PTPRT: variants seen among roughly 807,000 people sequenced by gnomAD.
PTPRT encodes the protein receptor-type tyrosine-protein phosphatase T.
A neutral mutation model predicts 176.8 loss-of-function variants in PTPRT; 56 were observed. The ratio of observed to expected loss-of-function variants is 0.32; its 90% CI spans 0.26 to 0.40. PTPRT has a LOEUF of 0.40. Ranked by LOEUF, PTPRT falls within the 10% of genes least tolerant of loss-of-function variation. PTPRT has a pLI of 1.00. For synonymous variants in PTPRT, 783 were observed against 739.0 expected (o/e 1.06, Z -0.96); for missense variants, 1,540 against 1,908.2 (o/e 0.81, Z 3.60).
intron 1 of PTPRT, among the ~76,000 whole-genome samples, chr20:42,920,305 T>C (rs1279111260): frequency 6.6e-6 from 1 of 152,198 alleles, no homozygotes; most frequent in African/African-American, 2.4e-5. Flanking sequence ...AAAGACTATA[T>C]GCCATATTAT....
intron 4 of PTPRT, among the ~76,000 whole-genome samples, chr20:42,775,083 G>A (rs1473489941): frequency 6.6e-6 from 1 of 152,150 alleles, no homozygotes; most frequent in Non-Finnish European, 1.5e-5. Flanking sequence ...GTCAGCCATC[G>A]GCTCGTGGTT....
At chr20:42,675,993 A>G (rs1160314113) in intron 7 of PTPRT, among the ~76,000 whole-genome samples, 1 of 152,228 alleles carries the variant, frequency 6.6e-6, no homozygotes, top group Admixed American at 6.5e-5. Flanking sequence ...CTATGAATGC[A>G]TACTGCTCCA....
In PTPRT at chr20:42,110,500, C is replaced by A. The variant is rs200617097; in HGVS notation, c.3100-13G>T. ...CATGGTAGCCTTTCTGAGGAAAGAA[C>A]GGGCCTCTGTTCTTCCAGCTGCTGC... is the stretch of plus-strand genomic sequence containing the variant. On this transcript the variant is annotated splice_polypyrimidine_tract_variant and intron_variant, in intron 22 of 30. Coordinates refer to ENST00000373187, the MANE Select transcript of PTPRT (RefSeq NM_007050.6). 1 of 1,588,288 alleles carries A rather than the reference C, an allele frequency of 6.3e-7. No individual in the cohort carries two copies. Among genetic ancestry groups the A allele is most frequent in the Admixed American group, 1.7e-5 (1 of 58,232 alleles).
At chr20:43,073,526 A>C (rs1238001907) in intron 1 of PTPRT, among the ~76,000 whole-genome samples, 1 of 151,748 alleles carries the variant, frequency 6.6e-6, no homozygotes, top group Non-Finnish European at 1.5e-5. Context: ...ATATATATAC[A>C]TAGGTGTGTA....
intron 1 of PTPRT, among the ~76,000 whole-genome samples, chr20:43,093,193 T>C (rs2011959333): frequency 6.6e-6 from 1 of 152,216 alleles, no homozygotes; most frequent in Non-Finnish European, 1.5e-5. Context: ...GAGAGATTGG[T>C]GGACATCCCA....
chr20:43,069,443 TAGAAAC>T lies in PTPRT; in HGVS notation c.88+120197_88+120202del, dbSNP rs1004197428. Among the ~76,000 whole-genome samples the T allele has an allele frequency of 7.9e-4, 121 of 152,282 alleles. 1 individual carries two copies. The highest frequency in any genetic ancestry group is 2.6e-3 in the African/African-American group (108 of 41,542). ...AGAGTATAACAGCAAATTAATTCCTTAGAAACAGAATGAATCCAACTTGCCATTATT... is the reference window on the plus strand; with the variant it reads ...AGAGTATAACAGCAAATTAATTCCTTAGAATGAATCCAACTTGCCATTATT... On this transcript the variant is annotated intron_variant, in intron 1 of 30. Coordinates refer to ENST00000373187, the MANE Select transcript of PTPRT (RefSeq NM_007050.6).
chr20:42,664,209 C>T (rs530869673), intron 7 of PTPRT, among the ~76,000 whole-genome samples: 1 of 152,190 alleles, frequency 6.6e-6, no homozygotes, highest in African/African-American at 2.4e-5. Context: ...CTCTTTATGC[C>T]TTTAGCCTTT....
chr20:42,677,844 C>T (rs2075533520), intron 7 of PTPRT, 22 bp downstream of exon 7: 4 of 1,423,182 alleles, frequency 2.8e-6, no homozygotes, highest in African/African-American at 5.5e-5. Flanking sequence ...ATAATGGAGC[C>T]TGGGAAAAAA....
rs374910385 is a variant in PTPRT at position 42,789,372 on chromosome 20, T to C, written c.486+1823A>G. Among the ~76,000 whole-genome samples, 7 of 152,226 alleles carry C rather than the reference T, an allele frequency of 4.6e-5. No individual in the cohort carries two copies. In the South Asian group the frequency reaches 1.5e-3, roughly 32 times the overall value. On this transcript the variant is annotated intron_variant, in intron 3 of 30. Coordinates refer to ENST00000373187, the MANE Select transcript of PTPRT (RefSeq NM_007050.6). ...AATGACATGTGTGGTTCCCATTATATTTATACTGGATTATACTAGCTTAGA... is the reference window on the plus strand; with the variant it reads ...AATGACATGTGTGGTTCCCATTATACTTATACTGGATTATACTAGCTTAGA...
intron 7 of PTPRT, among the ~76,000 whole-genome samples, chr20:42,617,628 G>A (rs1301473868): frequency 1.4e-5 from 2 of 138,116 alleles, no homozygotes; most frequent in African/African-American, 3.2e-5. Flanking sequence ...CCTGTTATTG[G>A]TCTATTCAGA....
chr20:42,192,905 T>C (rs1200105100), intron 16 of PTPRT, among the ~76,000 whole-genome samples: 2 of 152,152 alleles, frequency 1.3e-5, no homozygotes, highest in African/African-American at 2.4e-5. Flanking sequence ...TGTGCGTACA[T>C]CCACTTGGCA....
intron 12 of PTPRT, among the ~76,000 whole-genome samples, chr20:42,297,710 C>T (rs2057408202): frequency 6.6e-6 from 1 of 152,090 alleles, no homozygotes; most frequent in African/African-American, 2.4e-5. Flanking sequence ...TCCAGAAAAA[C>T]ACCCAAGAAC....
At chr20:42,676,378 C>T (rs1040911148) in intron 7 of PTPRT, among the ~76,000 whole-genome samples, 10 of 152,108 alleles carry the variant, frequency 6.6e-5, no homozygotes, top group East Asian at 1.9e-4. Context: ...GAGCTGTATG[C>T]ACTTTCCCTT....
intron 1 of PTPRT, among the ~76,000 whole-genome samples, chr20:43,025,738 A>C (rs1000826557): frequency 6.6e-6 from 1 of 152,178 alleles, no homozygotes; most frequent in Non-Finnish European, 1.5e-5. Context: ...AACACACACA[A>C]AAAATTTTCT....
intron 7 of PTPRT, among the ~76,000 whole-genome samples, chr20:42,627,532 A>G (rs1403310718): frequency 6.6e-6 from 1 of 152,080 alleles, no homozygotes; most frequent in Admixed American, 6.5e-5. Flanking sequence ...TTGGCCTCCC[A>G]AAGCACTGGG....
intron 7 of PTPRT, among the ~76,000 whole-genome samples, chr20:42,571,783 TC>T (rs1161671668): frequency 1.3e-5 from 2 of 151,996 alleles, no homozygotes; most frequent in Non-Finnish European, 2.9e-5. Flanking sequence ...GTCATTCACT[TC>T]TTTCCATCTT....
At chr20:42,868,461 TC>T (rs1217719333) in intron 2 of PTPRT, among the ~76,000 whole-genome samples, 1 of 152,210 alleles carries the variant, frequency 6.6e-6, no homozygotes, top group Non-Finnish European at 1.5e-5. Flanking sequence ...GAAAGAAGTA[TC>T]TAAGCAAAGT....
intron 6 of PTPRT, among the ~76,000 whole-genome samples, chr20:42,713,126 T>TACATAC (rs923982429): frequency 6.7e-6 from 1 of 149,350 alleles, no homozygotes; most frequent in Non-Finnish European, 1.5e-5. Context: ...TGGAAAGATA[T>TACATAC]ACATACACAT....
intron 5 of PTPRT, among the ~76,000 whole-genome samples, chr20:42,769,351 G>A (rs926977333): frequency 3.3e-5 from 5 of 152,118 alleles, no homozygotes; most frequent in African/African-American, 1.2e-4. Flanking sequence ...AGACAGCTAG[G>A]CAAAGGAACA....
Sources: allele counts gnomAD v4.1 joint callset (sites outside exome capture counted in the v4.1 genomes callset), GRCh38; gene constraint gnomAD v4.1.1; transcripts MANE v1.5; gene names NCBI Gene and HGNC (gene_info 2026-07-23, HGNC 2026-07-21).